Variants in CTNNA3 observed in about 807,000 individuals in gnomAD.
CTNNA3 encodes catenin alpha 3, also known as catenin alpha-3.
Under a neutral mutation model 95.7 loss-of-function variants are expected in CTNNA3, and 76 were observed. The ratio of observed to expected loss-of-function variants is 0.79; its 90% CI spans 0.66 to 0.96. CTNNA3 has a LOEUF of 0.96. Ranked by LOEUF, CTNNA3 falls within the 40% of genes least tolerant of loss-of-function variation. CTNNA3 has a pLI of 0.00. For synonymous variants in CTNNA3, 431 were observed against 374.4 expected (o/e 1.15, Z -1.74); for missense variants, 1,191 against 1,089.8 (o/e 1.09, Z -1.31).
At chr10:66,362,254 C>T (rs1022102266) in intron 12 of CTNNA3, among the ~76,000 whole-genome samples, 2 of 151,906 alleles carry the variant, frequency 1.3e-5, no homozygotes, top group East Asian at 4.0e-4. Context: ...AGGTGTGCAA[C>T]ACCATGCCTG....
chr10:67,556,869 C>T (rs1367139821), intron 3 of CTNNA3, among the ~76,000 whole-genome samples: 1 of 152,160 alleles, frequency 6.6e-6, no homozygotes, highest in African/African-American at 2.4e-5. Context: ...TTGGATCTTT[C>T]CTGCTTTCTC....
At chr10:66,240,017 G>C (rs1338945573) in intron 13 of CTNNA3, among the ~76,000 whole-genome samples, 1 of 151,830 alleles carries the variant, frequency 6.6e-6, no homozygotes, top group Non-Finnish European at 1.5e-5. Context: ...GAGCTATATA[G>C]ATTAATCTAT....
chr10:67,620,801 T>C (rs1843807273), intron 2 of CTNNA3, among the ~76,000 whole-genome samples: 2 of 151,822 alleles, frequency 1.3e-5, no homozygotes, highest in South Asian at 4.2e-4. Context: ...AACTGTTTCC[T>C]AAAAGAAAAA....
intron 5 of CTNNA3, among the ~76,000 whole-genome samples, chr10:67,353,842 G>A (rs1211753047): frequency 6.6e-6 from 1 of 152,014 alleles, no homozygotes; most frequent in Non-Finnish European, 1.5e-5. Flanking sequence ...CATCACTAAA[G>A]ACTGGAATGA....
In CTNNA3 at chr10:66,681,482, G is replaced by C. The variant is rs138834289; in HGVS notation, c.1282-59698C>G. On this transcript the variant is annotated intron_variant, in intron 9 of 17. Coordinates refer to ENST00000433211, the MANE Select transcript of CTNNA3 (RefSeq NM_013266.4). ...CTCTTAAAAAATCAGATTGGAATAG[G>C]TGGTCTGAAAATGAATTTATCCAGC... 4.7e-3 allele frequency among the ~76,000 whole-genome samples: 718 copies of C among 152,222 alleles called. 5 individuals are homozygous for C. The highest frequency in any genetic ancestry group is 0.016 in the African/African-American group (678 of 41,518).
intron 17 of CTNNA3, among the ~76,000 whole-genome samples, chr10:65,945,851 T>G (rs761778724): frequency 2.0e-5 from 3 of 152,178 alleles, no homozygotes; most frequent in African/African-American, 4.8e-5. Flanking sequence ...AAATGTTAGT[T>G]GTCATTGTGG....
chr10:67,713,153 T>C (rs571115526), intron 1 of CTNNA3, among the ~76,000 whole-genome samples: 9 of 152,266 alleles, frequency 5.9e-5, no homozygotes, highest in Non-Finnish European at 1.0e-4. Flanking sequence ...CAAAAGAAGA[T>C]ATTTATGCAG....
chr10:67,025,158 AAGG>A lies in CTNNA3; in HGVS notation c.1047+155156_1047+155158del, dbSNP rs1387497303. 5.8e-3 allele frequency among the ~76,000 whole-genome samples: 872 copies of A among 149,858 alleles called. 14 individuals carry two copies. Among genetic ancestry groups the A allele is most frequent in the African/African-American group, 0.021 (841 of 40,260 alleles). On this transcript the variant is annotated intron_variant, in intron 7 of 17. Transcript: ENST00000433211. ...AACAAAAAAAAAAAAGAAAGAAAGGAAGGAAGGAAGGAAGGAAAGAAAGAAAAG... is the reference window on the plus strand; with the variant it reads ...AACAAAAAAAAAAAAGAAAGAAAGGAAAGGAAGGAAGGAAAGAAAGAAAAG...
At chr10:67,269,582 T>C (rs1341562048) in intron 5 of CTNNA3, among the ~76,000 whole-genome samples, 2 of 152,104 alleles carry the variant, frequency 1.3e-5, no homozygotes, top group Non-Finnish European at 2.9e-5. Context: ...ATAGATGTCT[T>C]TAAGAAGAAA....
intron 13 of CTNNA3, among the ~76,000 whole-genome samples, chr10:66,132,877 G>A (rs557427905): frequency 2.0e-5 from 3 of 152,118 alleles, no homozygotes; most frequent in South Asian, 2.1e-4. Context: ...AGAGGGGAAC[G>A]ACAGACACTG....
intron 9 of CTNNA3, among the ~76,000 whole-genome samples, chr10:66,648,251 G>C (rs1845775124): frequency 6.6e-6 from 1 of 152,112 alleles, no homozygotes; most frequent in Admixed American, 6.5e-5. Flanking sequence ...CTGGTTTGGG[G>C]TAAGGGACCC....
chr10:67,333,333 A>G (rs1431894316), intron 5 of CTNNA3, among the ~76,000 whole-genome samples: 2 of 152,206 alleles, frequency 1.3e-5, no homozygotes, highest in African/African-American at 4.8e-5. Context: ...CAACAAGCCA[A>G]TGCAGCTTTT....
At chr10:66,763,341 C>CACACACAGAG (rs371974709) in intron 9 of CTNNA3, among the ~76,000 whole-genome samples, 51 of 139,104 alleles carry the variant, frequency 3.7e-4, no homozygotes, top group African/African-American at 1.4e-3. Flanking sequence ...CACACACACA[C>CACACACAGAG]AGAGAGAGAG....
chr10:66,738,474 A>C (rs1367075582), intron 9 of CTNNA3, among the ~76,000 whole-genome samples: 2 of 152,176 alleles, frequency 1.3e-5, no homozygotes, highest in African/African-American at 2.4e-5. Context: ...TTCTGTAGTG[A>C]ATTTGTCTTT....
In CTNNA3 at chr10:67,097,145, G is replaced by T. The variant is rs199905119; in HGVS notation, c.1047+83172C>A. On this transcript the variant is annotated intron_variant, in intron 7 of 17. Coordinates refer to ENST00000433211, the MANE Select transcript of CTNNA3 (RefSeq NM_013266.4). Reference sequence around the variant, plus strand: ...CAGGGGGTTGACTAGTTAAAGAAGTGGGTGGTGATTTTTGTGAATGCTAAA... The same window carrying T: ...CAGGGGGTTGACTAGTTAAAGAAGTTGGTGGTGATTTTTGTGAATGCTAAA... Among the ~76,000 whole-genome samples the T allele has an allele frequency of 2.0e-5, 3 of 151,844 alleles. No individual in the cohort carries two copies. The East Asian group carries it at 5.8e-4, about 29-fold the overall frequency.
Position 67,763,140 on chromosome 10 carries a change from A to G in CTNNA3, c.-2+294T>C, listed in dbSNP as rs561192162. ...AAAACAAAAATGTAGTTCTTGGACA[A>G]TATCTATTGGAAAAAGTGCAAGTGA... On this transcript the variant is annotated intron_variant, in intron 1 of 17. Coordinates refer to the CTNNA3 transcript ENST00000684154. Among the ~76,000 whole-genome samples the G allele has an allele frequency of 2.6e-5, 4 of 152,314 alleles. No homozygotes were observed. The South Asian group carries it at 8.3e-4, about 32-fold the overall frequency.
At chr10:66,405,083 G>C (rs1297351044) in intron 11 of CTNNA3, among the ~76,000 whole-genome samples, 2 of 152,128 alleles carry the variant, frequency 1.3e-5, no homozygotes, top group South Asian at 2.1e-4. Context: ...AAAGGATGCT[G>C]TTTCAATAGT....
At chr10:67,213,520 G>A (rs1314887565) in intron 6 of CTNNA3, among the ~76,000 whole-genome samples, 1 of 151,484 alleles carries the variant, frequency 6.6e-6, no homozygotes, top group Non-Finnish European at 1.5e-5. Flanking sequence ...AACTCCAAGT[G>A]GAAACTTAGC....
At chr10:66,979,367 G>T (rs998891255) in intron 7 of CTNNA3, among the ~76,000 whole-genome samples, 5 of 152,010 alleles carry the variant, frequency 3.3e-5, no homozygotes, top group Non-Finnish European at 1.5e-5. Context: ...GTTTTAATTT[G>T]CTCACAGTAT....
Sources: allele counts gnomAD v4.1 joint callset (sites outside exome capture counted in the v4.1 genomes callset), GRCh38; gene constraint gnomAD v4.1.1; transcripts MANE v1.5; gene names NCBI Gene and HGNC (gene_info 2026-07-23, HGNC 2026-07-21).